The following INPP4B variants were observed in gnomAD, a reference collection of about 807,000 sequenced individuals.
INPP4B encodes the protein inositol polyphosphate 4-phosphatase type II.
Under a neutral mutation model 122.5 loss-of-function variants are expected in INPP4B, and 55 were observed. That is an observed-to-expected ratio of 0.45 (90% CI 0.36 to 0.56). The LOEUF (loss-of-function observed/expected upper bound fraction) is 0.56. Ranked by LOEUF, INPP4B falls within the 20% of genes least tolerant of loss-of-function variation. The probability of loss-of-function intolerance (pLI) is 0.00; values close to 1 mark genes in which losing one functional copy is unlikely to be tolerated. For missense variants in INPP4B, 1,000 were observed against 1,097.7 expected (o/e 0.91, Z 1.26); for synonymous variants, 403 against 388.7 (o/e 1.04, Z -0.43).
At chr4:142,427,097 A>G (rs1313577007) in intron 5 of INPP4B, 2 of 155,078 alleles carry the variant, frequency 1.3e-5, no homozygotes, top group Admixed American at 1.3e-4. Context: ...AAAAAATCTC[A>G]AAGAAAAAAA....
intron 1 of INPP4B, among the ~76,000 whole-genome samples, chr4:142,816,082 C>A (rs1017671230): frequency 2.6e-5 from 4 of 152,146 alleles, no homozygotes; most frequent in Non-Finnish European, 5.9e-5. Context: ...GGCTGACTCA[C>A]TCCAGGACAG....
intron 2 of INPP4B, among the ~76,000 whole-genome samples, chr4:142,562,557 T>C (rs1168691563): frequency 6.6e-6 from 1 of 152,152 alleles, no homozygotes; most frequent in Non-Finnish European, 1.5e-5. Context: ...AGCAGGAAAG[T>C]ACTTGTGGAC....
At chr4:142,382,657 TTATA>T (rs1157657418) in intron 7 of INPP4B, among the ~76,000 whole-genome samples, 1 of 111,498 alleles carries the variant, frequency 9.0e-6, no homozygotes, top group Admixed American at 8.4e-5. Flanking sequence ...TTATATATAT[TTATA>T]TATATATTTA....
At chr4:142,071,466 A>T (rs1299810344) in intron 25 of INPP4B, among the ~76,000 whole-genome samples, 1 of 152,222 alleles carries the variant, frequency 6.6e-6, no homozygotes, top group African/African-American at 2.4e-5. Flanking sequence ...CAATGGCAAC[A>T]AAAGCCAAAA....
chr4:142,230,368 G>A (rs905255511), intron 12 of INPP4B, among the ~76,000 whole-genome samples: 3 of 152,034 alleles, frequency 2.0e-5, no homozygotes, highest in Non-Finnish European at 2.9e-5. Context: ...AAACAAGGCC[G>A]GGAGCGGTGG....
chr4:142,806,817 A>T (rs564793232), intron 1 of INPP4B, among the ~76,000 whole-genome samples: 1 of 150,408 alleles, frequency 6.6e-6, no homozygotes, highest in Non-Finnish European at 1.5e-5. Flanking sequence ...GAAAGAAAGA[A>T]AGAAAGAAAG....
intron 3 of INPP4B, among the ~76,000 whole-genome samples, chr4:142,452,439 A>G (rs1353906873): frequency 1.3e-5 from 2 of 152,226 alleles, no homozygotes; most frequent in Non-Finnish European, 2.9e-5. Flanking sequence ...TACAAAGTGA[A>G]GATGGGAACA....
In INPP4B at chr4:142,064,057, T is replaced by C. The variant is rs553213076; in HGVS notation, c.2642+17974A>G. ...ATAGACTTATTTCAACCCCAAATAA[T>C]GTCCCATGATTTAGAATTAATTTCT... is the stretch of plus-strand genomic sequence containing the variant. On this transcript the variant is annotated intron_variant, in intron 25 of 25. Coordinates refer to ENST00000262992, the MANE Select transcript of INPP4B (RefSeq NM_001101669.3). Among the ~76,000 whole-genome samples the C allele has an allele frequency of 6.4e-4, 97 of 152,326 alleles. 1 individual carries two copies. Among genetic ancestry groups the C allele is most frequent in the African/African-American group, 2.2e-3 (92 of 41,588 alleles).
At chr4:142,502,923 T>C (rs1465415919) in intron 2 of INPP4B, among the ~76,000 whole-genome samples, 1 of 152,164 alleles carries the variant, frequency 6.6e-6, no homozygotes, top group Non-Finnish European at 1.5e-5. Flanking sequence ...TATCTGACTT[T>C]ACTCTGCCAG....
intron 2 of INPP4B, among the ~76,000 whole-genome samples, chr4:142,535,322 C>T (rs1164197983): frequency 6.6e-6 from 1 of 152,178 alleles, no homozygotes; most frequent in Non-Finnish European, 1.5e-5. Flanking sequence ...TAAATGTCAA[C>T]AATTTTTATG....
At position 142,135,531 on chromosome 4, in the gene INPP4B, C is replaced by T. The variant is rs190231352; in HGVS notation, c.1720+10309G>A. On this transcript the variant is annotated intron_variant, in intron 18 of 25. Transcript: ENST00000262992. ...ACTGGCTGGGGCTGGAGCAGTGACC[C>T]CCTTTTGGAGGAACATATACTCTCT... 2.1e-3 allele frequency among the ~76,000 whole-genome samples: 316 copies of T among 152,198 alleles called. 2 individuals are homozygous for T. Among genetic ancestry groups the T allele is most frequent in the South Asian group, 0.01 (50 of 4,820 alleles).
intron 12 of INPP4B, among the ~76,000 whole-genome samples, chr4:142,226,134 C>T (rs1376017486): frequency 6.6e-6 from 1 of 152,128 alleles, no homozygotes; most frequent in African/African-American, 2.4e-5. Flanking sequence ...AAAAGTTTTA[C>T]TGGTGGTAGT....
chr4:142,563,530 T>C (rs1730909829), intron 2 of INPP4B, among the ~76,000 whole-genome samples: 1 of 152,204 alleles, frequency 6.6e-6, no homozygotes, highest in South Asian at 2.1e-4. Context: ...ATCCAGTTTA[T>C]AGTTACACTG....
chr4:142,147,962 TTG>T (rs1811706688), intron 17 of INPP4B, among the ~76,000 whole-genome samples: 1 of 152,190 alleles, frequency 6.6e-6, no homozygotes, highest in Non-Finnish European at 1.5e-5. Context: ...CCTGATGGTC[TTG>T]ACATCTGGAT....
At chr4:142,561,450 GCT>G (rs1019184951) in intron 2 of INPP4B, among the ~76,000 whole-genome samples, 42 of 152,148 alleles carry the variant, frequency 2.8e-4, no homozygotes, top group African/African-American at 9.2e-4. Context: ...ACGGAGTCTT[GCT>G]CTGTTGCCCA....
At chr4:142,351,276 C>G (rs966862936) in intron 7 of INPP4B, among the ~76,000 whole-genome samples, 1 of 152,000 alleles carries the variant, frequency 6.6e-6, no homozygotes, top group Non-Finnish European at 1.5e-5. Flanking sequence ...ACTCCAAAGT[C>G]TTCTCTCTAT....
chr4:142,028,687 A>G lies in INPP4B; in HGVS notation c.*95T>C. On this transcript the variant is annotated 3_prime_UTR_variant, in exon 26 of 26. Transcript: ENST00000262992. ...CATCTGTGATCATCTCCCCCACCAC[A>G]AATTCATGACAATAAAAACAAACAA... The G allele has an allele frequency of 7.4e-7, 1 of 1,343,814 alleles. No homozygotes were observed. The highest frequency in any genetic ancestry group is 1.4e-5 in the South Asian group (1 of 69,454). The allele number at this position is 1,343,814 out of a possible 1,614,324, so 83.2% of individuals were successfully genotyped here.
chr4:142,163,867 A>G (rs1000665360), intron 16 of INPP4B, among the ~76,000 whole-genome samples: 1 of 151,740 alleles, frequency 6.6e-6, no homozygotes, highest in African/African-American at 2.4e-5. Flanking sequence ...GTTCTAAAAA[A>G]CCTTTTTCTT....
At chr4:142,418,434 T>G (rs1020689762) in intron 5 of INPP4B, among the ~76,000 whole-genome samples, 1 of 152,118 alleles carries the variant, frequency 6.6e-6, no homozygotes, top group African/African-American at 2.4e-5. Flanking sequence ...TTTCACAGCA[T>G]TGAACAAGAA....
Sources: allele counts gnomAD v4.1 joint callset (sites outside exome capture counted in the v4.1 genomes callset), GRCh38; gene constraint gnomAD v4.1.1; transcripts MANE v1.5; gene names NCBI Gene and HGNC (gene_info 2026-07-23, HGNC 2026-07-21).